RTEL1: variants seen among roughly 807,000 people sequenced by gnomAD.
The protein encoded by RTEL1 is regulator of telomere elongation helicase 1.
A neutral mutation model predicts 162.2 loss-of-function variants in RTEL1; 86 were observed. The ratio of observed to expected loss-of-function variants is 0.53; its 90% confidence interval spans 0.45 to 0.63. The LOEUF is 0.63. Ranked by LOEUF, RTEL1 falls within the 30% of genes least tolerant of loss-of-function variation. The pLI, the probability that RTEL1 is intolerant of heterozygous loss-of-function variation, is 0.00. For synonymous variants in RTEL1, 958 were observed against 717.9 expected (o/e 1.33, Z -5.35); for missense variants, 1,941 against 1,750.2 (o/e 1.11, Z -1.95).
chr20:63,696,072 G>T lies in RTEL1; in HGVS notation c.*214G>T, dbSNP rs2090972796. 7.0e-6 allele frequency: 4 copies of T among 568,960 alleles called. No homozygotes were observed. The highest frequency in any genetic ancestry group is 1.2e-5 in the Non-Finnish European group (4 of 323,050). The allele number at this position is 568,960 out of a possible 1,614,324, so 35.2% of individuals were successfully genotyped here. ...AAGCCCTGAGCTACCTTGGGGTCTG[G>T]GGTGGGTTTCTGGGAAAGTGCTTCC... On this transcript the variant is annotated 3_prime_UTR_variant, in exon 35 of 35. Transcript: ENST00000360203.
At chr20:63,692,103 T>A (rs944806269) in intron 28 of RTEL1, 84 of 430,458 alleles carry the variant, frequency 2.0e-4, no homozygotes, top group Middle Eastern at 1.4e-3. Flanking sequence ...GCCCTGGCAT[T>A]TCCCTCAAGT....
At chr20:63,671,816 A>T (rs1030151685) in intron 8 of RTEL1, among the ~76,000 whole-genome samples, 2 of 150,162 alleles carry the variant, frequency 1.3e-5, no homozygotes, top group African/African-American at 4.9e-5. Context: ...AAAAGTACCA[A>T]AGCTGGACCC....
At chr20:63,665,932 T>G in intron 6 of RTEL1, 72 bp from the exon 7 acceptor site, 2 of 1,451,672 alleles carry the variant, frequency 1.4e-6, no homozygotes, top group Non-Finnish European at 1.9e-6. Flanking sequence ...CGTTCTGTCC[T>G]GGGCATCCCC....
Position 63,665,997 on chromosome 20 carries a change from C to T in RTEL1, c.539-7C>T, listed in dbSNP as rs757040812. The T allele has an allele frequency of 2.5e-6, 4 of 1,613,724 alleles. No homozygotes were observed. The African/African-American group carries it at 5.3e-5, about 22-fold the overall frequency. On this transcript the variant is annotated splice_polypyrimidine_tract_variant and splice_region_variant and intron_variant, in intron 6 of 34. Coordinates refer to ENST00000360203, the MANE Select transcript of RTEL1 (RefSeq NM_001283009.2). ...GGTGTGTGTTTACCCCTGCCTCACA[C>T]CTGCAGAAAAAAGCCTGGAGCAGGA...
chr20:63,681,378 A>T, intron 14 of RTEL1: 2 of 984,940 alleles, frequency 2.0e-6, no homozygotes, highest in Non-Finnish European at 2.4e-6. Flanking sequence ...TTAGAAGCAG[A>T]CTCAGAAGTC....
At position 63,694,406 on chromosome 20, in the gene RTEL1, CA is replaced by C; in HGVS notation, c.3028del (p.Thr1010ArgfsTer13). ...TAPDPKLTVS[T>X]AAAQQLDPQE... Reference sequence around the variant, plus strand: ...CGCCGGATCCCAAGCTGACCGTGTCCACGGCTGCAGCCCAGCAGCTGGACCC... The same window carrying C: ...CGCCGGATCCCAAGCTGACCGTGTCCCGGCTGCAGCCCAGCAGCTGGACCC... On this transcript the variant is annotated frameshift_variant, in exon 31 of 35. Transcript: ENST00000360203. LOFTEE classifies it high-confidence loss of function. 1 of 1,612,458 alleles carries C rather than the reference CA, an allele frequency of 6.2e-7. No individual in the cohort carries two copies.
chr20:63,668,673 G>A lies in RTEL1; in HGVS notation c.699+1120G>A, dbSNP rs777183762. Among the ~76,000 whole-genome samples the A allele has an allele frequency of 1.1e-4, 16 of 152,100 alleles. No homozygotes were observed. In the East Asian group the frequency reaches 1.2e-3, roughly 11 times the overall value. On this transcript the variant is annotated intron_variant, in intron 8 of 34. Coordinates refer to ENST00000360203, the MANE Select transcript of RTEL1 (RefSeq NM_001283009.2). This position sits in a 1 kb window ranked among gnomAD's most constrained non-coding sequence, Gnocchi z 4.3. ...CCACAGAGAGCTGGTGAGGTTTGCC[G>A]TGGTTGTGGGTGACTCGGTGCTTTG...
At chr20:63,691,632 A>G in intron 27 of RTEL1, 110 bp from the exon 28 acceptor site, 1 of 909,982 alleles carries the variant, frequency 1.1e-6, no homozygotes. Flanking sequence ...CCCGACCTCC[A>G]TCTTGGCTCA....
intron 14 of RTEL1, 41 bp downstream of exon 14, chr20:63,680,760 AGCCGGGCGGGT>A: frequency 1.2e-6 from 2 of 1,611,844 alleles, no homozygotes; most frequent in Non-Finnish European, 1.7e-6. Flanking sequence ...CCCTGATGGA[AGCCGGGCGGGT>A]GCCTTCTCCT....
intron 14 of RTEL1, among the ~76,000 whole-genome samples, chr20:63,683,007 C>T (rs555991395): frequency 6.6e-5 from 10 of 152,106 alleles, no homozygotes; most frequent in South Asian, 4.1e-4. Context: ...TTTGTCACCC[C>T]GGCTGGAGTG....
intron 10 of RTEL1, among the ~76,000 whole-genome samples, chr20:63,676,948 C>T (rs1009713346): frequency 2.0e-5 from 3 of 152,184 alleles, no homozygotes; most frequent in Admixed American, 1.3e-4. Context: ...ATCAATCAGT[C>T]AATCAAGTGT....
Position 63,679,962 on chromosome 20 carries a change from G to T in RTEL1, c.1135+16G>T. 1 of 1,593,560 alleles carries T rather than the reference G, an allele frequency of 6.3e-7. No individual in the cohort carries two copies. On this transcript the variant is annotated intron_variant, in intron 13 of 34. Coordinates refer to ENST00000360203, the MANE Select transcript of RTEL1 (RefSeq NM_001283009.2). Reference sequence around the variant, plus strand: ...CTGGCAGGACGTGAGTGCTGGCACGGGGTCTTTGGTGCGGGCAAATGTGGC... The same window carrying T: ...CTGGCAGGACGTGAGTGCTGGCACGTGGTCTTTGGTGCGGGCAAATGTGGC...
intron 29 of RTEL1, 38 bp downstream of exon 29, chr20:63,693,041 G>A: frequency 6.2e-7 from 1 of 1,610,514 alleles, no homozygotes; most frequent in South Asian, 1.1e-5. Flanking sequence ...CCTGAGGGCA[G>A]TGCTGCCGCC....
intron 13 of RTEL1, 83 bp from the exon 14 acceptor site, chr20:63,680,581 C>G: frequency 6.9e-7 from 1 of 1,452,172 alleles, no homozygotes; most frequent in Admixed American, 1.7e-5. Context: ...TCGGGCTGAG[C>G]GGGCTCATGC....
chr20:63,693,579 A>ACCACCACCT (rs2090864176), intron 30 of RTEL1, among the ~76,000 whole-genome samples: 1 of 47,618 alleles, frequency 2.1e-5, no homozygotes, highest in Non-Finnish European at 4.3e-5. Context: ...CTCCACCTCC[A>ACCACCACCT]CCACCACCAC....
chr20:63,695,273 T>G (rs1193730511), intron 33 of RTEL1, 52 bp downstream of exon 33: 1 of 1,600,512 alleles, frequency 6.2e-7, no homozygotes, highest in Non-Finnish European at 8.5e-7. Flanking sequence ...CACGCAGCCC[T>G]GGGAGTGAGC....
Position 63,696,163 on chromosome 20 carries a change from C to T in RTEL1, c.*305C>T, listed in dbSNP as rs1047890630. 14 of 475,010 alleles carry T rather than the reference C, an allele frequency of 2.9e-5. No homozygotes were observed. Among genetic ancestry groups the T allele is most frequent in the South Asian group, 2.7e-4 (8 of 30,100 alleles). The allele number at this position is 475,010 out of a possible 1,614,324, so 29.4% of individuals were successfully genotyped here. A position where few individuals can be genotyped will look rare whatever the true frequency, so the allele number is the denominator to read the frequency against. On this transcript the variant is annotated 3_prime_UTR_variant, in exon 35 of 35. Coordinates refer to ENST00000360203, the MANE Select transcript of RTEL1 (RefSeq NM_001283009.2). Reference sequence around the variant, plus strand: ...GGGGCACCCCAGCTGAGCCCCTCACCGGGAAGGAGGAGACCCCCGTGGGCA... The same window carrying T: ...GGGGCACCCCAGCTGAGCCCCTCACTGGGAAGGAGGAGACCCCCGTGGGCA...
intron 13 of RTEL1, 63 bp from the exon 14 acceptor site, chr20:63,680,601 C>T (rs777102120): frequency 8.8e-5 from 138 of 1,566,652 alleles, no homozygotes; most frequent in Middle Eastern, 1.9e-4. Flanking sequence ...CTGGAAGGGC[C>T]GGGGCTGGGG....
At chr20:63,681,793 C>G (rs1180093795) in intron 14 of RTEL1, 11 of 985,274 alleles carry the variant, frequency 1.1e-5, no homozygotes, top group Non-Finnish European at 1.2e-6. Context: ...CAGCCTGTGT[C>G]TTCTCTGTGC....
Sources: gnomAD v4.1 joint callset for allele counts (sites outside exome capture counted in the v4.1 genomes callset) on GRCh38, gnomAD v4.1.1 for gene constraint, Gnocchi (gnomAD v3.1) non-coding constraint, MANE v1.5 for transcripts, NCBI Gene and HGNC (gene_info 2026-07-23, HGNC 2026-07-21) for gene names.